The following MMEL1 variants were observed in gnomAD, a reference collection of about 807,000 sequenced individuals.
MMEL1 encodes membrane metalloendopeptidase like 1.
A neutral mutation model predicts 117.1 loss-of-function variants in MMEL1; 98 were observed. That is an observed-to-expected ratio of 0.84 (90% confidence interval 0.71 to 0.99). MMEL1 has a LOEUF of 0.99. Ranked by LOEUF, MMEL1 falls within the 50% of genes least tolerant of loss-of-function variation. The pLI, the probability that MMEL1 is intolerant of heterozygous loss-of-function variation, is 0.00. For missense variants in MMEL1, 1,014 were observed against 1,049.1 expected (o/e 0.97, Z 0.46); for synonymous variants, 390 against 415.1 (o/e 0.94, Z 0.74).
In MMEL1 at chr1:2,596,675, T is replaced by C. The variant is rs1316186699; in HGVS notation, c.1287A>G (p.Thr429=). Residue 429 remains threonine (T), a synonymous_variant, in exon 14 of 24, where the codon ACA becomes ACG. Coordinates refer to ENST00000378412, the MANE Select transcript of MMEL1 (RefSeq NM_033467.4). Reference sequence around the variant, plus strand: ...CACGCCAGCGCACCTCCTCCACCATTGTGCCAAACAGCGCCTGGTGGGGCC... The same window carrying C: ...CACGCCAGCGCACCTCCTCCACCATCGTGCCAAACAGCGCCTGGTGGGGCC... ...RVNYRKALFG[T]MVEEVRWREC... is the part of the protein sequence containing the mutation. 1 of 1,612,772 alleles carries C rather than the reference T, an allele frequency of 6.2e-7. No individual in the cohort carries two copies. Among genetic ancestry groups the C allele is most frequent in the Non-Finnish European group, 8.5e-7 (1 of 1,179,768 alleles).
intron 1 of MMEL1, among the ~76,000 whole-genome samples, chr1:2,630,648 C>T (rs977192294): frequency 1.4e-5 from 2 of 145,886 alleles, no homozygotes; most frequent in Non-Finnish European, 3.0e-5. Context: ...CGCGTGTGTG[C>T]GTGTGCATGA....
intron 9 of MMEL1, 25 bp from the exon 10 acceptor site, chr1:2,604,306 G>A (rs758121373): frequency 6.2e-7 from 1 of 1,610,726 alleles, no homozygotes; most frequent in Admixed American, 1.7e-5. Flanking sequence ...GCCGGGCAGA[G>A]CTGGGTGGCC....
intron 14 of MMEL1, 88 bp downstream of exon 14, chr1:2,596,473 C>T: frequency 6.5e-7 from 1 of 1,536,054 alleles, no homozygotes; most frequent in Non-Finnish European, 8.8e-7. Flanking sequence ...GCCCCTGAGC[C>T]TGGGCGGGGT....
At chr1:2,618,884 A>G (rs1645245696) in intron 2 of MMEL1, among the ~76,000 whole-genome samples, 1 of 152,284 alleles carries the variant, frequency 6.6e-6, no homozygotes, top group African/African-American at 2.4e-5. Context: ...GATCTGATCC[A>G]GAACGTATGG....
intron 11 of MMEL1, among the ~76,000 whole-genome samples, chr1:2,603,032 C>T (rs548740456): frequency 3.9e-5 from 6 of 152,306 alleles, no homozygotes; most frequent in Admixed American, 2.0e-4. Flanking sequence ...TTCTGGGCAG[C>T]GGGGTGTTGG....
intron 2 of MMEL1, among the ~76,000 whole-genome samples, chr1:2,625,571 G>A (rs183722906): frequency 9.4e-4 from 143 of 152,312 alleles, no homozygotes; most frequent in Non-Finnish European, 1.5e-3. Flanking sequence ...ATTTTGGAGC[G>A]GGGCCCTGCT....
intron 11 of MMEL1, 54 bp from the exon 12 acceptor site, chr1:2,598,844 T>G (rs1644888177): frequency 1.4e-6 from 2 of 1,477,550 alleles, no homozygotes; most frequent in Non-Finnish European, 1.9e-6. Flanking sequence ...GGAGAAACAG[T>G]TCCTGGGAAT....
rs1461585708 is a variant in MMEL1 at position 2,612,693 on chromosome 1, C to T, written c.155-489G>A. Among the ~76,000 whole-genome samples the T allele has an allele frequency of 6.6e-6, 1 of 152,164 alleles. No homozygotes were observed. The highest frequency in any genetic ancestry group is 1.5e-5 in the Non-Finnish European group (1 of 68,026). On this transcript the variant is annotated intron_variant, in intron 2 of 23. Coordinates refer to ENST00000378412, the MANE Select transcript of MMEL1 (RefSeq NM_033467.4). The surrounding 1 kb of genome is among the most constrained non-coding windows in gnomAD (Gnocchi z 5.4). ...CCCTTGTCCCTAGCCCCTCCACCCT[C>T]ACTGCTGCTGAAGGTGCCAAGCCAC...
intron 16 of MMEL1, 34 bp from the exon 17 acceptor site, chr1:2,594,927 G>A: frequency 6.3e-7 from 1 of 1,578,236 alleles, no homozygotes; most frequent in Non-Finnish European, 8.7e-7. Flanking sequence ...CCAGATGCTG[G>A]GGCCGGGCCC....
At chr1:2,606,770 G>A (rs10910105) in intron 7 of MMEL1, among the ~76,000 whole-genome samples, 59,758 of 151,996 alleles carry the variant, frequency 0.39, 12,412 homozygotes, top group East Asian at 0.51. Flanking sequence ...GACTGGCCAC[G>A]GGGCACCAAC....
At position 2,598,206 on chromosome 1, in the gene MMEL1, C is replaced by T. The variant is rs1644876566; in HGVS notation, c.1272+1G>A. ...AGGCTCTGGGCAGGGAAGGGGCTCA[C>T]CTTGCGGTAGTTCACTCGTGTGTCC... On this transcript the variant is annotated splice_donor_variant, in intron 13 of 23. Coordinates refer to ENST00000378412, the MANE Select transcript of MMEL1 (RefSeq NM_033467.4). LOFTEE classifies it high-confidence loss of function. 1.2e-6 allele frequency: 2 copies of T among 1,613,724 alleles called. No homozygotes were observed. The highest frequency in any genetic ancestry group is 2.7e-5 in the African/African-American group (2 of 74,924).
At chr1:2,610,525 G>A (rs1307793516) in intron 4 of MMEL1, among the ~76,000 whole-genome samples, 1 of 152,236 alleles carries the variant, frequency 6.6e-6, no homozygotes, top group African/African-American at 2.4e-5. Flanking sequence ...GTCCGCCAGG[G>A]CCTTTCTGTT....
In MMEL1 at chr1:2,592,842, GT is replaced by G; in HGVS notation, c.1991del (p.Asp664AlafsTer5). Reference sequence around the variant, plus strand: ...TGGTGGCAGCGCTCACGTTCTGTTCGTCTGCCAGGTCCCAGGAGTAGTTGCC... The same window carrying G: ...TGGTGGCAGCGCTCACGTTCTGTTCGCTGCCAGGTCCCAGGAGTAGTTGCC... The part of the protein sequence containing the change: ...QYGNYSWDLA[D>X]EQNVNGFNTL... On this transcript the variant is annotated frameshift_variant, in exon 20 of 24. Transcript: ENST00000378412. LOFTEE classifies it high-confidence loss of function. 6.2e-7 allele frequency: 1 copy of G among 1,613,534 alleles called. No homozygotes were observed. Among genetic ancestry groups the G allele is most frequent in the Non-Finnish European group, 8.5e-7 (1 of 1,179,894 alleles).
chr1:2,596,904 A>C (rs1644851875), intron 13 of MMEL1, among the ~76,000 whole-genome samples: 1 of 152,032 alleles, frequency 6.6e-6, no homozygotes, highest in African/African-American at 2.4e-5. Context: ...GAACTTCCGC[A>C]GACTGAGAGC....
chr1:2,628,870 C>G (rs1638397175), intron 2 of MMEL1, among the ~76,000 whole-genome samples: 1 of 151,854 alleles, frequency 6.6e-6, no homozygotes, highest in South Asian at 2.1e-4. Flanking sequence ...TCAGGTCTCT[C>G]CGCAGGATGG....
intron 4 of MMEL1, among the ~76,000 whole-genome samples, 162 bp downstream of exon 4, chr1:2,611,119 G>C (rs1645118348): frequency 1.3e-5 from 2 of 152,204 alleles, no homozygotes; most frequent in Non-Finnish European, 1.5e-5. Flanking sequence ...AGAAACACCA[G>C]CTCCGCCCGC....
chr1:2,607,341 G>C (rs377093461), intron 6 of MMEL1, among the ~76,000 whole-genome samples: 1 of 152,148 alleles, frequency 6.6e-6, no homozygotes, highest in East Asian at 1.9e-4. Flanking sequence ...CATGAGCCCC[G>C]GGGGACAAAG....
chr1:2,598,235 A>T lies in MMEL1; in HGVS notation c.1244T>A (p.Phe415Tyr). 1 of 1,614,014 alleles carries T rather than the reference A, an allele frequency of 6.2e-7. No individual in the cohort carries two copies. Among genetic ancestry groups the T allele is most frequent in the South Asian group, 1.1e-5 (1 of 91,082 alleles). ...GCGGTAGTTCACTCGTGTGTCCTTG[A>T]ATCTCTGGCTTAGGCTACCAATGCG... is the stretch of plus-strand genomic sequence containing the variant. ...LDRIGSLSQR[F>Y]KDTRVNYRKA... Residue 415 changes from phenylalanine to tyrosine, a missense_variant, in exon 13 of 24, where the codon TTC becomes TAC. By Grantham distance (22) the Phe-to-Tyr change is conservative (BLOSUM62 3). Coordinates refer to ENST00000378412, the MANE Select transcript of MMEL1 (RefSeq NM_033467.4).
chr1:2,624,073 C>T (rs190697472), intron 2 of MMEL1, among the ~76,000 whole-genome samples: 14 of 152,232 alleles, frequency 9.2e-5, no homozygotes. Flanking sequence ...GAGGTGCATC[C>T]CCAGCCCCAG....
Sources: allele counts gnomAD v4.1 joint callset (sites outside exome capture counted in the v4.1 genomes callset), GRCh38; gene constraint gnomAD v4.1.1; non-coding constraint Gnocchi (gnomAD v3.1); transcripts MANE v1.5; gene names NCBI Gene and HGNC (gene_info 2026-07-23, HGNC 2026-07-21).